SPATA13: variants seen among roughly 807,000 people sequenced by gnomAD.
SPATA13 encodes the protein spermatogenesis associated 13.
In SPATA13, 50 loss-of-function variants were observed where a neutral mutation model predicts 104.0. The ratio of observed to expected loss-of-function variants is 0.48; its 90% CI spans 0.38 to 0.61. SPATA13 has a LOEUF of 0.61. Ranked by LOEUF, SPATA13 falls within the 20% of genes least tolerant of loss-of-function variation. The pLI, the probability that SPATA13 is intolerant of heterozygous loss-of-function variation, is 0.00. For synonymous variants in SPATA13, 606 were observed against 667.5 expected (o/e 0.91, Z 1.42); for missense variants, 1,524 against 1,690.6 (o/e 0.90, Z 1.73).
Position 24,288,768 on chromosome 13 carries a change from A to G in SPATA13, c.2668-231A>G, listed in dbSNP as rs77590019. Among the ~76,000 whole-genome samples the G allele has an allele frequency of 2.6e-4, 39 of 152,288 alleles. No homozygotes were observed. In the East Asian group the frequency reaches 7.3e-3, roughly 29 times the overall value. ...TGAAACTTGTTTCTGGAAACATTAT[A>G]TGGTTTATTGGATCCTAAATCCAAC... On this transcript the variant is annotated intron_variant, in intron 7 of 12. Coordinates refer to ENST00000382108, the MANE Select transcript of SPATA13 (RefSeq NM_001166271.3).
intron 2 of SPATA13, among the ~76,000 whole-genome samples, chr13:24,008,920 G>A (rs1187546782): frequency 6.6e-6 from 1 of 152,234 alleles, no homozygotes. Flanking sequence ...GCATAGCTCT[G>A]GGACCAAGTG....
intron 1 of SPATA13, among the ~76,000 whole-genome samples, chr13:24,191,719 C>G (rs1488908091): frequency 6.6e-6 from 1 of 151,888 alleles, no homozygotes; most frequent in African/African-American, 2.4e-5. Flanking sequence ...ACTGTGTTAG[C>G]CAGGATGGTC....
intron 2 of SPATA13, among the ~76,000 whole-genome samples, chr13:24,246,077 C>T (rs185117979): frequency 1.2e-4 from 19 of 152,238 alleles, no homozygotes; most frequent in South Asian, 6.2e-4. Context: ...GTGCGTGTCA[C>T]GTAAGTGTAA....
chr13:24,059,332 CA>C (rs142424373), intron 3 of SPATA13, among the ~76,000 whole-genome samples: 17 of 143,838 alleles, frequency 1.2e-4, no homozygotes, highest in South Asian at 2.2e-4. Context: ...GTGAATGTCA[CA>C]AAAAAAAAAG....
At chr13:24,017,963 A>G (rs941593155) in intron 3 of SPATA13, among the ~76,000 whole-genome samples, 7 of 152,168 alleles carry the variant, frequency 4.6e-5, no homozygotes, top group African/African-American at 1.4e-4. Flanking sequence ...TAGACCCTAC[A>G]TGGATTTCAT....
At chr13:24,122,168 G>C in intron 3 of SPATA13, 1 of 1,594,942 alleles carries the variant, frequency 6.3e-7, no homozygotes, top group East Asian at 2.2e-5. Context: ...GGATTCATGG[G>C]CTGCTCTTCT....
intron 3 of SPATA13, among the ~76,000 whole-genome samples, chr13:24,153,572 C>T (rs1593363555): frequency 6.6e-6 from 1 of 152,248 alleles, no homozygotes; most frequent in East Asian, 1.9e-4. Context: ...ACAGAGGACA[C>T]GTGGTAGAGA....
chr13:24,204,057 G>A (rs899647070), intron 1 of SPATA13, among the ~76,000 whole-genome samples: 1 of 152,148 alleles, frequency 6.6e-6, no homozygotes, highest in African/African-American at 2.4e-5. Context: ...TATAGTAATT[G>A]TAAGTGTCAG....
intron 1 of SPATA13, among the ~76,000 whole-genome samples, chr13:24,201,276 A>AT (rs1391706617): frequency 6.6e-6 from 1 of 152,008 alleles, no homozygotes; most frequent in Non-Finnish European, 1.5e-5. Flanking sequence ...TTTTTTTAAG[A>AT]TAATAGTCTA....
chr13:24,057,914 C>T (rs898520411), intron 3 of SPATA13, among the ~76,000 whole-genome samples: 3 of 151,680 alleles, frequency 2.0e-5, no homozygotes, highest in Admixed American at 6.6e-5. Context: ...CTCCTCCCCA[C>T]GCTGCCCTAA....
At chr13:24,000,715 T>G (rs1040423290) in intron 2 of SPATA13, among the ~76,000 whole-genome samples, 1 of 151,502 alleles carries the variant, frequency 6.6e-6, no homozygotes, top group Non-Finnish European at 1.5e-5. Context: ...GGGTTAGAGG[T>G]GTGAATTTGG....
intron 3 of SPATA13, among the ~76,000 whole-genome samples, chr13:24,145,995 G>C (rs561788255): frequency 6.6e-6 from 1 of 152,208 alleles, no homozygotes; most frequent in Non-Finnish European, 1.5e-5. Context: ...GCAGCTGAAT[G>C]TGGTGAGGAG....
At chr13:24,125,554 A>C (rs886922094) in intron 3 of SPATA13, among the ~76,000 whole-genome samples, 2 of 152,084 alleles carry the variant, frequency 1.3e-5, no homozygotes, top group African/African-American at 4.8e-5. Flanking sequence ...AAATTCACCA[A>C]CCAAGTGGTT....
chr13:24,004,026 G>A (rs959947940), intron 2 of SPATA13, among the ~76,000 whole-genome samples: 8 of 152,162 alleles, frequency 5.3e-5, no homozygotes, highest in African/African-American at 1.9e-4. Flanking sequence ...AAATATAGAA[G>A]TTGACTCTTG....
chr13:24,231,879 G>T (rs1250506878), intron 2 of SPATA13, among the ~76,000 whole-genome samples: 1 of 152,156 alleles, frequency 6.6e-6, no homozygotes, highest in Non-Finnish European at 1.5e-5. Flanking sequence ...GTTTCATGTG[G>T]TTATTAGCCA....
intron 3 of SPATA13, among the ~76,000 whole-genome samples, chr13:24,038,514 C>T (rs1468273589): frequency 6.6e-6 from 1 of 152,176 alleles, no homozygotes; most frequent in Non-Finnish European, 1.5e-5. Context: ...AGGAGGGAAC[C>T]TCTCTTTGTG....
At chr13:24,198,152 T>C (rs745413615) in intron 1 of SPATA13, among the ~76,000 whole-genome samples, 12 of 152,206 alleles carry the variant, frequency 7.9e-5, no homozygotes, top group South Asian at 4.2e-4. Flanking sequence ...CCCGCCACCA[T>C]GCCAGCTAAT....
At chr13:24,004,440 C>T (rs1876124539) in intron 2 of SPATA13, among the ~76,000 whole-genome samples, 1 of 152,130 alleles carries the variant, frequency 6.6e-6, no homozygotes, top group Non-Finnish European at 1.5e-5. Flanking sequence ...TATTTCCCGG[C>T]TCTCTAGTTC....
Position 24,149,229 on chromosome 13 carries a change from C to G in SPATA13, c.-111-73590C>G, listed in dbSNP as rs996968939. On this transcript the variant is annotated intron_variant, in intron 3 of 14. Transcript: ENST00000424834. ...ATGGGCTTTATCTCATTAGTGAGTC[C>G]TGAAATGAATTTAGCAAATTTCCAC... 3.3e-5 allele frequency among the ~76,000 whole-genome samples: 5 copies of G among 152,134 alleles called. No homozygotes were observed. The East Asian group carries it at 9.6e-4, about 29-fold the overall frequency.
Sources: gnomAD v4.1 joint callset for allele counts (sites outside exome capture counted in the v4.1 genomes callset) on GRCh38, gnomAD v4.1.1 for gene constraint, MANE v1.5 for transcripts, NCBI Gene and HGNC (gene_info 2026-07-23, HGNC 2026-07-21) for gene names.